Variants in GALM observed in about 807,000 individuals in gnomAD.
The protein encoded by GALM is galactose mutarotase, also known as aldose 1-epimerase.
A neutral mutation model predicts 37.4 loss-of-function variants in GALM; 43 were observed. That is an observed-to-expected ratio of 1.15 (90% CI 0.90 to 1.48). The LOEUF is 1.48. Among genes scored for constraint, GALM ranks in the 40% most tolerant of loss-of-function variants. GALM has a pLI of 0.00. For missense variants in GALM, 456 were observed against 419.1 expected (o/e 1.09, Z -0.77); for synonymous variants, 199 against 170.6 (o/e 1.17, Z -1.30).
intron 4 of GALM, 51 bp downstream of exon 4, chr2:38,689,945 G>T (rs771439363): frequency 9.3e-7 from 1 of 1,074,548 alleles, no homozygotes; most frequent in Non-Finnish European, 1.4e-6. Flanking sequence ...ATTGGCTCTC[G>T]AGGCCAAGAA....
intron 4 of GALM, among the ~76,000 whole-genome samples, chr2:38,693,178 T>G (rs1471834069): frequency 2.0e-5 from 3 of 152,158 alleles, no homozygotes; most frequent in Non-Finnish European, 2.9e-5. Flanking sequence ...TCCTGAGACG[T>G]GCTACAAGAA....
At chr2:38,697,344 C>A (rs1341922779) in intron 4 of GALM, among the ~76,000 whole-genome samples, 1 of 152,184 alleles carries the variant, frequency 6.6e-6, no homozygotes, top group Non-Finnish European at 1.5e-5. Flanking sequence ...CCAAGTCCTG[C>A]AGGGTTGCTT....
intron 1 of GALM, among the ~76,000 whole-genome samples, chr2:38,674,504 A>G (rs868828944): frequency 2.0e-5 from 3 of 152,124 alleles, no homozygotes; most frequent in Non-Finnish European, 2.9e-5. Flanking sequence ...TTTAAAGTAT[A>G]AGTATGTCCC....
chr2:38,683,688 T>G (rs1665455823), intron 3 of GALM, among the ~76,000 whole-genome samples: 1 of 152,102 alleles, frequency 6.6e-6, no homozygotes, highest in Non-Finnish European at 1.5e-5. Flanking sequence ...TGCCTCAGCT[T>G]CCCTAGTAGC....
At chr2:38,710,145 A>G (rs1420247529) in intron 4 of GALM, among the ~76,000 whole-genome samples, 1 of 152,216 alleles carries the variant, frequency 6.6e-6, no homozygotes, top group Non-Finnish European at 1.5e-5. Flanking sequence ...GTGCACACAG[A>G]TCACCTGTGC....
intron 5 of GALM, among the ~76,000 whole-genome samples, chr2:38,731,034 G>A (rs905385104): frequency 5.9e-5 from 9 of 151,976 alleles, no homozygotes; most frequent in Admixed American, 5.3e-4. Flanking sequence ...AAGACCAGTT[G>A]GGCCAACATG....
In GALM at chr2:38,727,295, C is replaced by G. The variant is rs1040130638; in HGVS notation, c.635-2261C>G. 1.3e-5 allele frequency among the ~76,000 whole-genome samples: 2 copies of G among 151,968 alleles called. 1 individual carries two copies. On this transcript the variant is annotated intron_variant, in intron 4 of 6. Transcript: ENST00000272252. Reference sequence around the variant, plus strand: ...CTCGGTTAAACAGTGGACACCCACACACCAGGATGGTATCGCCTGGACCTC... The same window carrying G: ...CTCGGTTAAACAGTGGACACCCACAGACCAGGATGGTATCGCCTGGACCTC...
At chr2:38,672,040 A>C (rs1665118929) in intron 1 of GALM, among the ~76,000 whole-genome samples, 1 of 151,770 alleles carries the variant, frequency 6.6e-6, no homozygotes, top group African/African-American at 2.4e-5. Flanking sequence ...GAAAAAAAAA[A>C]ACAACAAAAA....
chr2:38,709,997 A>C (rs1448410911), intron 4 of GALM, among the ~76,000 whole-genome samples: 1 of 152,112 alleles, frequency 6.6e-6, no homozygotes, highest in South Asian at 2.1e-4. Flanking sequence ...GGCTATCCTC[A>C]TGGAGACCAG....
chr2:38,732,817 G>C (rs927430041), intron 6 of GALM, among the ~76,000 whole-genome samples: 2 of 151,974 alleles, frequency 1.3e-5, no homozygotes, highest in Non-Finnish European at 2.9e-5. Flanking sequence ...CTACTTGGGA[G>C]GCTGAGGTGG....
At chr2:38,683,482 A>C (rs1166752476) in intron 3 of GALM, among the ~76,000 whole-genome samples, 1 of 152,180 alleles carries the variant, frequency 6.6e-6, no homozygotes, top group East Asian at 1.9e-4. Flanking sequence ...GAAAACTCGA[A>C]ATCTGGAATG....
intron 3 of GALM, among the ~76,000 whole-genome samples, chr2:38,685,967 C>A (rs1024798334): frequency 6.6e-6 from 1 of 152,076 alleles, no homozygotes; most frequent in African/African-American, 2.4e-5. Flanking sequence ...CCCATCTCGG[C>A]CTCCCAAACT....
rs535024420 is a variant in GALM at position 38,727,816 on chromosome 2, C to T, written c.635-1740C>T. Among the ~76,000 whole-genome samples, 498 of 152,062 alleles carry T rather than the reference C, an allele frequency of 3.3e-3. 7 individuals are homozygous for T. The highest frequency in any genetic ancestry group is 0.012 in the African/African-American group (479 of 41,494). ...TGTTCTCTCAGCATTTAGGAACCCA[C>T]AAAAGCAGAACCAAATGTTTTAAAT... On this transcript the variant is annotated intron_variant, in intron 4 of 6. Coordinates refer to ENST00000272252, the MANE Select transcript of GALM (RefSeq NM_138801.3).
intron 3 of GALM, among the ~76,000 whole-genome samples, chr2:38,686,275 T>TTTCTTCCTTCCTTC (rs1665528768): frequency 8.3e-6 from 1 of 120,008 alleles, no homozygotes; most frequent in African/African-American, 3.4e-5. Context: ...TTTCTTTCTT[T>TTTCTTCCTTCCTTC]CTTATTTTGA....
intron 4 of GALM, among the ~76,000 whole-genome samples, chr2:38,726,295 C>T (rs993795315): frequency 1.3e-5 from 2 of 149,310 alleles, no homozygotes; most frequent in East Asian, 2.0e-4. Context: ...GGCGGGATCT[C>T]GGCTCACTGC....
chr2:38,724,704 C>T (rs1666451159), intron 4 of GALM, among the ~76,000 whole-genome samples: 1 of 152,140 alleles, frequency 6.6e-6, no homozygotes, highest in Admixed American at 6.5e-5. Context: ...GCTTCTTTGT[C>T]ATGCTTAAAG....
intron 2 of GALM, 108 bp from the exon 3 acceptor site, chr2:38,681,172 G>A: frequency 2.2e-6 from 2 of 895,512 alleles, no homozygotes; most frequent in Non-Finnish European, 3.7e-6. Context: ...AGTCTTAATT[G>A]ATTGTATAAC....
rs1665000286 is a variant in GALM, at chr2:38,668,003, C to T, written c.190+1652C>T. ...CTGAACACAGGCCTTGCCGAGTTTC[C>T]CCACTCACTCTATTAGCAACAGATC... On this transcript the variant is annotated intron_variant, in intron 1 of 6. Coordinates refer to ENST00000272252, the MANE Select transcript of GALM (RefSeq NM_138801.3). Among the ~76,000 whole-genome samples the T allele has an allele frequency of 4.6e-5, 7 of 152,088 alleles. No homozygotes were observed. In the South Asian group the frequency reaches 1.5e-3, roughly 32 times the overall value.
Position 38,691,113 on chromosome 2 carries a change from G to A in GALM, c.634+1219G>A, listed in dbSNP as rs117021296. Reference sequence around the variant, plus strand: ...AGAACTATATGTTGTGAACTGCAAGGAAAAAATAGTGGTGGCTGCTGTTTT... The same window carrying A: ...AGAACTATATGTTGTGAACTGCAAGAAAAAAATAGTGGTGGCTGCTGTTTT... On this transcript the variant is annotated intron_variant, in intron 4 of 6. Coordinates refer to ENST00000272252, the MANE Select transcript of GALM (RefSeq NM_138801.3). 1.8e-3 allele frequency among the ~76,000 whole-genome samples: 279 copies of A among 152,204 alleles called. 6 individuals carry two copies. The East Asian group carries it at 0.044, about 24-fold the overall frequency.
Sources: gnomAD v4.1 joint callset for allele counts (sites outside exome capture counted in the v4.1 genomes callset) on GRCh38, gnomAD v4.1.1 for gene constraint, MANE v1.5 for transcripts, NCBI Gene and HGNC (gene_info 2026-07-23, HGNC 2026-07-21) for gene names.